The following LTBP1 variants were observed in gnomAD, a reference collection of about 807,000 sequenced individuals.
LTBP1 encodes latent transforming growth factor beta binding protein 1.
Under a neutral mutation model 207.6 loss-of-function variants are expected in LTBP1, and 129 were observed. The ratio of observed to expected loss-of-function variants is 0.62; its 90% CI spans 0.54 to 0.72. LTBP1 has a LOEUF of 0.72. LTBP1 is among the 30% of genes least tolerant of loss of function. LTBP1 has a pLI of 0.00. For missense variants in LTBP1, 2,281 were observed against 2,217.2 expected, an observed-to-expected ratio of 1.03 and a Z score of -0.58; for synonymous variants, 963 against 833.7, an observed-to-expected ratio of 1.16 and a Z score of -2.67.
chr2:33,234,049 C>T (rs1301414371), intron 9 of LTBP1, among the ~76,000 whole-genome samples: 1 of 152,118 alleles, frequency 6.6e-6, no homozygotes, highest in Non-Finnish European at 1.5e-5. Flanking sequence ...TACGAACTTT[C>T]AAATAATTCA....
At chr2:33,005,864 G>A (rs547115332) in intron 2 of LTBP1, among the ~76,000 whole-genome samples, 4 of 152,292 alleles carry the variant, frequency 2.6e-5, no homozygotes, top group African/African-American at 7.2e-5. Flanking sequence ...TAGGATTACA[G>A]GCGTGAGCCA....
chr2:33,054,482 G>C (rs1022596832), intron 3 of LTBP1, among the ~76,000 whole-genome samples: 2 of 152,092 alleles, frequency 1.3e-5, no homozygotes, highest in East Asian at 1.9e-4. Context: ...ACAACAAATG[G>C]GTAACTTGTT....
chr2:33,204,239 A>G lies in LTBP1; in HGVS notation c.1702-13313A>G, dbSNP rs1297687867. ...TTCCCTCTTCTGTCTCCTTTCTTAA[A>G]TAAAATAATTTATATATAGAATTGA... On this transcript the variant is annotated intron_variant, in intron 7 of 33. Coordinates refer to ENST00000404816, the MANE Select transcript of LTBP1 (RefSeq NM_206943.4). 4.6e-5 allele frequency among the ~76,000 whole-genome samples: 7 copies of G among 152,058 alleles called. No homozygotes were observed. In the South Asian group the frequency reaches 1.2e-3, roughly 27 times the overall value.
intron 20 of LTBP1, among the ~76,000 whole-genome samples, chr2:33,295,451 C>T (rs920304530): frequency 2.6e-5 from 4 of 151,826 alleles, no homozygotes; most frequent in African/African-American, 9.7e-5. Context: ...CACTTGAACC[C>T]GAGAAGCAGA....
At position 33,022,474 on chromosome 2, in the gene LTBP1, CT is replaced by C. The variant is rs1318819626; in HGVS notation, c.863+1272del. On this transcript the variant is annotated intron_variant, in intron 3 of 33. Coordinates refer to ENST00000404816, the MANE Select transcript of LTBP1 (RefSeq NM_206943.4). ...AAGGGCTTACTATGTGCCAGGTACT[CT>C]TTTAAACACTTATTGTGTATTGTTC... 2.0e-4 allele frequency among the ~76,000 whole-genome samples: 30 copies of C among 152,222 alleles called. No homozygotes were observed. In the South Asian group the frequency reaches 2.1e-3, roughly 11 times the overall value.
intron 32 of LTBP1, among the ~76,000 whole-genome samples, chr2:33,393,211 G>C (rs2095330050): frequency 7.7e-6 from 1 of 129,104 alleles, no homozygotes; most frequent in African/African-American, 2.9e-5. Flanking sequence ...CCCTCCACTA[G>C]TGTCTGTTGT....
intron 24 of LTBP1, among the ~76,000 whole-genome samples, chr2:33,315,867 G>A (rs2094263168): frequency 6.6e-6 from 1 of 152,158 alleles, no homozygotes; most frequent in African/African-American, 2.4e-5. Context: ...AACCCAGGAG[G>A]CAGAGGCTGC....
At chr2:33,050,081 C>T (rs961466938) in intron 3 of LTBP1, among the ~76,000 whole-genome samples, 6 of 151,672 alleles carry the variant, frequency 4.0e-5, no homozygotes, top group South Asian at 2.1e-4. Context: ...CGGCCTCAAG[C>T]GATCTTCCTG....
intron 18 of LTBP1, among the ~76,000 whole-genome samples, chr2:33,277,633 G>C (rs2093453906): frequency 6.6e-6 from 1 of 151,690 alleles, no homozygotes; most frequent in South Asian, 2.1e-4. Context: ...TGTTTGTATA[G>C]ATCTCAAGCA....
chr2:33,104,424 C>T (rs1474165193), intron 3 of LTBP1, among the ~76,000 whole-genome samples: 1 of 152,180 alleles, frequency 6.6e-6, no homozygotes, highest in Non-Finnish European at 1.5e-5. Context: ...TAACACCACG[C>T]TATTGATTTC....
intron 3 of LTBP1, among the ~76,000 whole-genome samples, chr2:33,079,755 C>T (rs2078291896): frequency 1.3e-5 from 2 of 152,138 alleles, no homozygotes; most frequent in African/African-American, 4.8e-5. Flanking sequence ...CCATCAGCCT[C>T]CCACCTCCTT....
intron 3 of LTBP1, among the ~76,000 whole-genome samples, chr2:33,031,376 A>T (rs1046728407): frequency 6.6e-6 from 1 of 152,234 alleles, no homozygotes; most frequent in African/African-American, 2.4e-5. Flanking sequence ...TGGCCCCCAG[A>T]ACACAGATTC....
chr2:33,110,112 T>C (rs2080307282), intron 3 of LTBP1, among the ~76,000 whole-genome samples: 1 of 152,190 alleles, frequency 6.6e-6, no homozygotes, highest in South Asian at 2.1e-4. Context: ...TTTTTAGAGA[T>C]GGGGTCTCAC....
At chr2:32,975,755 GT>G (rs1468425379) in intron 2 of LTBP1, among the ~76,000 whole-genome samples, 2 of 151,840 alleles carry the variant, frequency 1.3e-5, no homozygotes, top group Non-Finnish European at 2.9e-5. Flanking sequence ...TATCAGATGA[GT>G]TTGGTTATTT....
At chr2:32,995,780 C>G (rs954621800) in intron 2 of LTBP1, among the ~76,000 whole-genome samples, 2 of 152,198 alleles carry the variant, frequency 1.3e-5, no homozygotes, top group African/African-American at 4.8e-5. Flanking sequence ...CAGAGCGAGA[C>G]TCTGTCTCAA....
chr2:33,088,836 A>G (rs1315542528), intron 3 of LTBP1, among the ~76,000 whole-genome samples: 1 of 152,192 alleles, frequency 6.6e-6, no homozygotes, highest in African/African-American at 2.4e-5. Context: ...AAAATATTAT[A>G]TAATTTAAAA....
At chr2:33,262,903 G>C in intron 14 of LTBP1, 82 bp downstream of exon 14, 2 of 899,548 alleles carry the variant, frequency 2.2e-6, no homozygotes, top group Non-Finnish European at 3.5e-6. Context: ...TTGACTTTGT[G>C]TAGTAAATTA....
intron 3 of LTBP1, among the ~76,000 whole-genome samples, chr2:33,077,340 A>G (rs553747950): frequency 3.3e-5 from 5 of 152,232 alleles, no homozygotes; most frequent in Non-Finnish European, 7.3e-5. Flanking sequence ...TTGCCCTGCT[A>G]TAAATAAATA....
At chr2:33,367,305 T>C (rs2095002417) in intron 31 of LTBP1, among the ~76,000 whole-genome samples, 1 of 152,192 alleles carries the variant, frequency 6.6e-6, no homozygotes, top group South Asian at 2.1e-4. Flanking sequence ...CAAGATACAT[T>C]TTACAATCTA....
Sources: allele counts gnomAD v4.1 joint callset (sites outside exome capture counted in the v4.1 genomes callset), GRCh38; gene constraint gnomAD v4.1.1; transcripts MANE v1.5; gene names NCBI Gene and HGNC (gene_info 2026-07-23, HGNC 2026-07-21).